MYO10: variants seen among roughly 807,000 people sequenced by gnomAD.
MYO10 encodes the protein myosin X.
A neutral mutation model predicts 257.3 loss-of-function variants in MYO10; 133 were observed. That is an observed-to-expected ratio of 0.52 (90% CI 0.45 to 0.60). The LOEUF (loss-of-function observed/expected upper bound fraction) is 0.60. Ranked by LOEUF, MYO10 falls within the 20% of genes least tolerant of loss-of-function variation. MYO10 has a pLI of 0.00. For missense variants in MYO10, 2,399 were observed against 2,635.7 expected (o/e 0.91, Z 1.97); for synonymous variants, 1,104 against 1,028.6 (o/e 1.07, Z -1.40).
At chr5:16,677,792 C>A (rs939563080) in intron 33 of MYO10, among the ~76,000 whole-genome samples, 2 of 150,878 alleles carry the variant, frequency 1.3e-5, no homozygotes, top group Non-Finnish European at 2.9e-5. Context: ...CAGAGTTTCG[C>A]TCTGGTTGCC....
intron 5 of MYO10, among the ~76,000 whole-genome samples, chr5:16,783,045 G>C (rs551202056): frequency 2.0e-5 from 3 of 152,246 alleles, no homozygotes; most frequent in East Asian, 3.9e-4. Context: ...TGATGCAGGT[G>C]CTTCAAAAAC....
chr5:16,811,550 TTC>T (rs2126697828), intron 3 of MYO10, among the ~76,000 whole-genome samples: 1 of 152,278 alleles, frequency 6.6e-6, no homozygotes, highest in South Asian at 2.1e-4. Context: ...ATCAGTTCTT[TTC>T]TTTTTCTCTT....
At chr5:16,757,249 C>T (rs919216102) in intron 18 of MYO10, among the ~76,000 whole-genome samples, 2 of 149,566 alleles carry the variant, frequency 1.3e-5, no homozygotes, top group African/African-American at 4.9e-5. Context: ...GTGATTACAC[C>T]ACTGCACTCC....
intron 19 of MYO10, among the ~76,000 whole-genome samples, chr5:16,727,642 C>A (rs970309531): frequency 6.6e-6 from 1 of 152,158 alleles, no homozygotes; most frequent in Non-Finnish European, 1.5e-5. Flanking sequence ...TCTCAAACAA[C>A]ATATAACTAA....
rs1246382585 is a variant in MYO10, at chr5:16,661,974, C to T, written c.*4718G>A. ...TAGATTTGGTCTCTGTACTGTAGTTCACTGACCCCTGATCTAAAAGATTAC... is the reference window on the plus strand; with the variant it reads ...TAGATTTGGTCTCTGTACTGTAGTTTACTGACCCCTGATCTAAAAGATTAC... On this transcript the variant is annotated 3_prime_UTR_variant, in exon 41 of 41. Coordinates refer to ENST00000513610, the MANE Select transcript of MYO10 (RefSeq NM_012334.3). The T allele has an allele frequency of 1.3e-5, 2 of 152,170 alleles. No homozygotes were observed. Among genetic ancestry groups the T allele is most frequent in the Non-Finnish European group, 2.9e-5 (2 of 68,028 alleles). 9.4% of individuals were successfully genotyped at this position (152,170 alleles called of 1,614,324 possible). A position where few individuals can be genotyped will look rare whatever the true frequency, so the allele number is the denominator to read the frequency against.
chr5:16,743,372 G>A (rs569399319), intron 19 of MYO10, among the ~76,000 whole-genome samples: 3 of 151,892 alleles, frequency 2.0e-5, no homozygotes, highest in South Asian at 4.2e-4. Flanking sequence ...GCTGGACACG[G>A]TGGCTTACGT....
At chr5:16,671,291 G>T in intron 38 of MYO10, 131 bp downstream of exon 38, 1 of 1,138,344 alleles carries the variant, frequency 8.8e-7, no homozygotes. Flanking sequence ...AAGAGCAGCT[G>T]GTCTTGTCTT....
intron 1 of MYO10, among the ~76,000 whole-genome samples, chr5:16,915,767 C>A (rs1580146830): frequency 6.6e-6 from 1 of 152,120 alleles, no homozygotes; most frequent in African/African-American, 2.4e-5. Flanking sequence ...ACCAGCCTGG[C>A]CAACATGGCA....
intron 1 of MYO10, chr5:16,902,610 G>C: frequency 6.5e-7 from 1 of 1,548,706 alleles, no homozygotes; most frequent in Non-Finnish European, 8.8e-7. Context: ...GCCCTTTTTG[G>C]CACGACCATT....
At chr5:16,864,039 A>T (rs1744176454) in intron 2 of MYO10, among the ~76,000 whole-genome samples, 1 of 152,174 alleles carries the variant, frequency 6.6e-6, no homozygotes, top group Admixed American at 6.5e-5. Context: ...CGGAGGTTGC[A>T]GCGAGCCAAG....
Position 16,666,610 on chromosome 5 carries a change from G to A in MYO10, c.*82C>T. Reference sequence around the variant, plus strand: ...CCTGGGCAGCTCTGTGTTTGTTTTGGCTGGGCATGGCACACTGGAGCCAGC... The same window carrying A: ...CCTGGGCAGCTCTGTGTTTGTTTTGACTGGGCATGGCACACTGGAGCCAGC... On this transcript the variant is annotated 3_prime_UTR_variant, in exon 41 of 41. Transcript: ENST00000513610. The A allele has an allele frequency of 8.4e-7, 1 of 1,187,624 alleles. No homozygotes were observed. Among genetic ancestry groups the A allele is most frequent in the Non-Finnish European group, 1.2e-6 (1 of 850,758 alleles). 73.6% of individuals were successfully genotyped at this position (1,187,624 alleles called of 1,614,324 possible).
chr5:16,933,663 T>C (rs190690141), intron 1 of MYO10, among the ~76,000 whole-genome samples: 25 of 152,310 alleles, frequency 1.6e-4, no homozygotes, highest in Middle Eastern at 3.4e-3. Context: ...TTTTCTTCAC[T>C]GGACAATTTA....
intron 15 of MYO10, 90 bp downstream of exon 15, chr5:16,762,455 T>G: frequency 9.8e-7 from 1 of 1,020,546 alleles, no homozygotes. Flanking sequence ...GGAGGCACAG[T>G]TGGGCCAGCG....
chr5:16,849,577 G>A (rs1205011513), intron 2 of MYO10, among the ~76,000 whole-genome samples: 4 of 152,106 alleles, frequency 2.6e-5, no homozygotes, highest in African/African-American at 4.8e-5. Flanking sequence ...TTCAGGATCC[G>A]ATATTCTTTC....
chr5:16,772,999 T>TA (rs1206785551), intron 9 of MYO10, among the ~76,000 whole-genome samples: 1 of 152,198 alleles, frequency 6.6e-6, no homozygotes, highest in Non-Finnish European at 1.5e-5. Flanking sequence ...CAGTTGTGGA[T>TA]AAATGGGTGT....
chr5:16,897,943 C>A (rs889812410), intron 1 of MYO10, among the ~76,000 whole-genome samples: 1 of 152,158 alleles, frequency 6.6e-6, no homozygotes, highest in African/African-American at 2.4e-5. Context: ...CTCTGCGGAC[C>A]CTAATCATCT....
chr5:16,702,827 T>C (rs900468203), intron 23 of MYO10, 98 bp downstream of exon 23: 31 of 1,154,860 alleles, frequency 2.7e-5, no homozygotes, highest in Non-Finnish European at 3.6e-5. Context: ...TTGTAGGTTC[T>C]GGGGCATCTG....
At chr5:16,724,368 C>A (rs537459681) in intron 19 of MYO10, among the ~76,000 whole-genome samples, 11 of 151,994 alleles carry the variant, frequency 7.2e-5, no homozygotes, top group Non-Finnish European at 1.2e-4. Context: ...ACTGTTGGAG[C>A]GAGAATTTTG....
At position 16,783,363 on chromosome 5, in the gene MYO10, A is replaced by G; in HGVS notation, c.574T>C (p.Cys192Arg). ...CTTTCAAGAATAGCTCGTTCAACACAGGATGTCTTCTCCTTTAAGGACAAT... is the reference window on the plus strand; with the variant it reads ...CTTTCAAGAATAGCTCGTTCAACACGGGATGTCTTCTCCTTTAAGGACAAT... ...LELSLKEKTS[C>R]VERAILESSP... Residue 192 changes from cysteine (C) to arginine (R), a missense_variant, in exon 5 of 41, where the codon TGT (cysteine) becomes CGT (arginine). Physicochemically the swap from Cys to Arg is radical, Grantham distance 180 (BLOSUM62 -3). This residue lies in a region of MYO10 where 242 missense variants were observed against 249.5 expected (regional missense o/e 0.97). Transcript: ENST00000513610. The G allele has an allele frequency of 6.3e-7, 1 of 1,596,444 alleles. No homozygotes were observed. The highest frequency in any genetic ancestry group is 8.5e-7 in the Non-Finnish European group (1 of 1,172,168).
Sources: gnomAD v4.1 joint callset for allele counts (sites outside exome capture counted in the v4.1 genomes callset) on GRCh38, gnomAD v4.1.1 for gene constraint, gnomAD v4.1.1 regional missense constraint, MANE v1.5 for transcripts, NCBI Gene and HGNC (gene_info 2026-07-23, HGNC 2026-07-21) for gene names.